DCAF1: variants seen among roughly 807,000 people sequenced by gnomAD.
The protein encoded by DCAF1 is DDB1- and CUL4-associated factor 1.
A neutral mutation model predicts 128.0 loss-of-function variants in DCAF1; 15 were observed. The ratio of observed to expected loss-of-function variants is 0.12; its 90% confidence interval spans 0.08 to 0.18. DCAF1 has a LOEUF of 0.18. Among genes scored for constraint, DCAF1 ranks in the 10% least tolerant of loss-of-function variants. DCAF1 has a pLI of 1.00. For synonymous variants in DCAF1, 610 were observed against 603.0 expected (o/e 1.01, Z -0.17); for missense variants, 988 against 1,649.5 (o/e 0.60, Z 6.95).
intron 1 of DCAF1, among the ~76,000 whole-genome samples, chr3:51,499,496 C>G (rs1385694442): frequency 1.3e-5 from 2 of 152,106 alleles, no homozygotes; most frequent in African/African-American, 4.8e-5. Flanking sequence ...GCCCCGCAAG[C>G]CCGTACGGAA....
At chr3:51,477,205 C>T (rs1040290648) in intron 3 of DCAF1, among the ~76,000 whole-genome samples, 3 of 151,464 alleles carry the variant, frequency 2.0e-5, no homozygotes, top group East Asian at 1.9e-4. Flanking sequence ...ACTGTTCTTA[C>T]GAAACTGTCA....
rs781804004 is a variant in DCAF1 at position 51,419,766 on chromosome 3, G to A, written c.3204C>T (p.Gly1068=). 6.8e-6 allele frequency: 11 copies of A among 1,613,116 alleles called. No individual in the cohort carries two copies. The highest frequency in any genetic ancestry group is 4.0e-5 in the African/African-American group (3 of 74,862). The change falls in exon 15 of 25, where the codon GGC becomes GGT. Residue 1068 remains glycine (G), a synonymous_variant. Transcript: ENST00000684031. ...ASFPKYGGVD[G]GCFDRHLIFS... is the part of the protein sequence containing the mutation. ...AGATAAGGTGCCTATCAAAGCATCCGCCATCCACCCCTCCATACTTTGGAA... is the reference window on the plus strand; with the variant it reads ...AGATAAGGTGCCTATCAAAGCATCCACCATCCACCCCTCCATACTTTGGAA...
chr3:51,456,167 C>T (rs1054281470), intron 6 of DCAF1, among the ~76,000 whole-genome samples: 3 of 152,172 alleles, frequency 2.0e-5, no homozygotes, highest in Non-Finnish European at 4.4e-5. Context: ...TCAAAGAAAT[C>T]GGTGACAGAC....
intron 19 of DCAF1, 34 bp from the exon 20 acceptor site, chr3:51,414,077 C>A (rs781851337): frequency 5.2e-6 from 8 of 1,548,496 alleles, no homozygotes; most frequent in Non-Finnish European, 7.0e-6. Flanking sequence ...AACTATTTTA[C>A]ACAAAACTTA....
chr3:51,432,903 G>GA (rs1700516091), intron 10 of DCAF1, among the ~76,000 whole-genome samples: 1 of 152,042 alleles, frequency 6.6e-6, no homozygotes, highest in Admixed American at 6.5e-5. Context: ...AGAAGAGTCA[G>GA]AAAAAAATAG....
intron 13 of DCAF1, among the ~76,000 whole-genome samples, chr3:51,425,027 TATTA>T (rs1430199347): frequency 1.3e-5 from 2 of 152,226 alleles, no homozygotes; most frequent in African/African-American, 4.8e-5. Context: ...AAAAGTATAA[TATTA>T]ATTATGTGTA....
At chr3:51,466,923 T>C in intron 4 of DCAF1, 47 bp from the exon 5 acceptor site, 1 of 1,592,466 alleles carries the variant, frequency 6.3e-7, no homozygotes. Flanking sequence ...GAGTAAGTCA[T>C]CCCAGTCAAG....
At chr3:51,411,163 G>GAAAAAAAAAAAAAAAA (rs1268364026) in intron 23 of DCAF1, among the ~76,000 whole-genome samples, 2 of 58,838 alleles carry the variant, frequency 3.4e-5, no homozygotes, top group Non-Finnish European at 4.0e-5. Flanking sequence ...CTCCATCTCA[G>GAAAAAAAAAAAAAAAA]AAAAAAAAAA....
At chr3:51,473,488 C>A (rs1460211695) in intron 3 of DCAF1, among the ~76,000 whole-genome samples, 8 of 92,198 alleles carry the variant, frequency 8.7e-5, no homozygotes, top group African/African-American at 2.2e-4. Context: ...GAGACTCCAT[C>A]TCAAAAAAAA....
intron 24 of DCAF1, among the ~76,000 whole-genome samples, chr3:51,399,496 G>A (rs1321580911): frequency 3.3e-5 from 5 of 152,198 alleles, no homozygotes; most frequent in Non-Finnish European, 5.9e-5. Context: ...GTGACGCCCT[G>A]GAAGACAGCA....
At chr3:51,442,927 G>A (rs1553639279) in intron 7 of DCAF1, among the ~76,000 whole-genome samples, 1 of 152,170 alleles carries the variant, frequency 6.6e-6, no homozygotes, top group African/African-American at 2.4e-5. Context: ...TATCGAAGGG[G>A]AGTGGGAAGA....
intron 2 of DCAF1, 112 bp from the exon 3 acceptor site, chr3:51,483,948 G>GA (rs1706592812): frequency 5.4e-6 from 4 of 741,438 alleles, no homozygotes; most frequent in Non-Finnish European, 9.2e-6. Flanking sequence ...ATTAAAAAGG[G>GA]AAATTTAACC....
chr3:51,441,018 A>T lies in DCAF1; in HGVS notation c.1080T>A (p.Ile360=). Residue 360 remains isoleucine, a synonymous_variant, in exon 9 of 25, where the codon ATT becomes ATA. Transcript: ENST00000684031. ...GGACATCATTAGTTTGCTTCAGGTC[A>T]ATATAGAACATCATCAGCTCCCGTG... ...LGSRELMMFY[I]DLKQTNDVLL... is the part of the protein sequence containing the mutation. 6.2e-7 allele frequency: 1 copy of T among 1,613,216 alleles called. No homozygotes were observed. Among genetic ancestry groups the T allele is most frequent in the East Asian group, 2.2e-5 (1 of 44,862 alleles).
chr3:51,403,715 C>G (rs1425821859), intron 23 of DCAF1, among the ~76,000 whole-genome samples: 1 of 152,230 alleles, frequency 6.6e-6, no homozygotes, highest in Non-Finnish European at 1.5e-5. Flanking sequence ...TCTTTCTCAC[C>G]TGCATCAACC....
At chr3:51,499,596 C>A (rs533482451) in intron 1 of DCAF1, among the ~76,000 whole-genome samples, 7 of 152,042 alleles carry the variant, frequency 4.6e-5, no homozygotes, top group East Asian at 3.9e-4. Context: ...CCCGCCCCCC[C>A]ACTCCGGGCG....
At chr3:51,422,019 A>G (rs995382070) in intron 14 of DCAF1, among the ~76,000 whole-genome samples, 1 of 152,098 alleles carries the variant, frequency 6.6e-6, no homozygotes, top group Non-Finnish European at 1.5e-5. Context: ...ATAATATACC[A>G]TTATAGCAGA....
At chr3:51,469,074 G>T (rs938784020) in intron 4 of DCAF1, among the ~76,000 whole-genome samples, 11 of 152,098 alleles carry the variant, frequency 7.2e-5, no homozygotes, top group Non-Finnish European at 1.3e-4. Context: ...CATCACATAA[G>T]CAACTAGACT....
intron 9 of DCAF1, chr3:51,437,266 C>CAAAAAAAAAAAAAA (rs71633071): frequency 5.8e-5 from 15 of 256,594 alleles, no homozygotes; most frequent in East Asian, 1.1e-4. Context: ...GACTCCATGT[C>CAAAAAAAAAAAAAA]AAAAAAAAAA....
chr3:51,433,356 A>C (rs1432471002), intron 9 of DCAF1, 92 bp from the exon 10 acceptor site: 3 of 397,154 alleles, frequency 7.6e-6, no homozygotes, highest in African/African-American at 2.1e-5. Context: ...TAAATACAAA[A>C]GCCCTCTAAG....
Sources: gnomAD v4.1 joint callset for allele counts (sites outside exome capture counted in the v4.1 genomes callset) on GRCh38, gnomAD v4.1.1 for gene constraint, MANE v1.5 for transcripts, NCBI Gene and HGNC (gene_info 2026-07-23, HGNC 2026-07-21) for gene names.